The following DPP10 variants were observed in gnomAD, a reference collection of about 807,000 sequenced individuals.
DPP10 encodes the protein dipeptidyl peptidase like 10.
A neutral mutation model predicts 120.9 loss-of-function variants in DPP10; 33 were observed. The ratio of observed to expected loss-of-function variants is 0.27; its 90% CI spans 0.21 to 0.37. DPP10 has a LOEUF of 0.37. Among genes scored for constraint, DPP10 ranks in the 10% least tolerant of loss-of-function variants. The probability of loss-of-function intolerance (pLI) is 1.00; values close to 1 mark genes in which losing one functional copy is unlikely to be tolerated. For synonymous variants in DPP10, 337 were observed against 326.1 expected (o/e 1.03, Z -0.36); for missense variants, 816 against 942.8 (o/e 0.87, Z 1.76).
intron 1 of DPP10, among the ~76,000 whole-genome samples, chr2:114,764,071 C>T (rs1680505993): frequency 6.6e-6 from 1 of 152,158 alleles, no homozygotes; most frequent in South Asian, 2.1e-4. Flanking sequence ...CAAAAGCTTG[C>T]TCTCTTTATG....
intron 3 of DPP10, among the ~76,000 whole-genome samples, chr2:115,477,704 A>G (rs1223746785): frequency 2.6e-5 from 4 of 152,188 alleles, no homozygotes; most frequent in Non-Finnish European, 2.9e-5. Context: ...AATCCTCAAT[A>G]TAGAATAACA....
chr2:115,499,452 A>G (rs2076567866), intron 3 of DPP10, 58 bp from the exon 4 acceptor site: 3 of 1,393,784 alleles, frequency 2.2e-6, no homozygotes, highest in Non-Finnish European at 3.0e-6. Flanking sequence ...TCTCCCCTAC[A>G]GTTACTATAT....
In DPP10 at chr2:115,486,783, A is replaced by T. The variant is rs555020550; in HGVS notation, c.272-12727A>T. On this transcript the variant is annotated intron_variant, in intron 3 of 25. Coordinates refer to ENST00000410059, the MANE Select transcript of DPP10 (RefSeq NM_020868.6). ...TATGCTATCTTTTTGCAAATAATCCAAAGAATGAAATGGTCGTGTGAAAAT... is the reference window on the plus strand; with the variant it reads ...TATGCTATCTTTTTGCAAATAATCCTAAGAATGAAATGGTCGTGTGAAAAT... 2.0e-5 allele frequency among the ~76,000 whole-genome samples: 3 copies of T among 152,262 alleles called. No homozygotes were observed. The East Asian group carries it at 5.8e-4, about 29-fold the overall frequency.
chr2:115,471,504 G>GAGAGGTTCGC (rs1306895818), intron 3 of DPP10, among the ~76,000 whole-genome samples: 1 of 152,120 alleles, frequency 6.6e-6, no homozygotes. Context: ...ACCGGCTTCT[G>GAGAGGTTCGC]AGAGGTTCGC....
chr2:115,261,305 G>T (rs2059241287), intron 1 of DPP10, among the ~76,000 whole-genome samples: 1 of 152,122 alleles, frequency 6.6e-6, no homozygotes, highest in South Asian at 2.1e-4. Flanking sequence ...AGCCTAAAGG[G>T]CACTGAGCAA....
At chr2:115,214,670 C>T (rs1403668340) in intron 1 of DPP10, among the ~76,000 whole-genome samples, 3 of 152,090 alleles carry the variant, frequency 2.0e-5, no homozygotes, top group African/African-American at 7.2e-5. Context: ...TGACTTCTCC[C>T]TTTATTCAAT....
At chr2:114,670,536 G>T (rs892440699) in intron 1 of DPP10, among the ~76,000 whole-genome samples, 1 of 151,872 alleles carries the variant, frequency 6.6e-6, no homozygotes, top group East Asian at 1.9e-4. Flanking sequence ...GTTGTGGGGT[G>T]GGGGGAGTGG....
intron 3 of DPP10, among the ~76,000 whole-genome samples, chr2:115,436,446 T>C (rs1189753934): frequency 3.3e-5 from 5 of 151,864 alleles, no homozygotes; most frequent in African/African-American, 1.2e-4. Context: ...AGAAGTGTTA[T>C]ACTGAAATAC....
chr2:115,498,931 A>T (rs1010219802), intron 3 of DPP10, among the ~76,000 whole-genome samples: 4 of 152,026 alleles, frequency 2.6e-5, no homozygotes, highest in Non-Finnish European at 5.9e-5. Flanking sequence ...TCATTCATTG[A>T]TATAGTAGTA....
intron 7 of DPP10, among the ~76,000 whole-genome samples, chr2:115,699,018 G>A (rs866545119): frequency 5.9e-5 from 3 of 50,816 alleles, no homozygotes; most frequent in Admixed American, 3.9e-4. Flanking sequence ...TAGTTAGCTT[G>A]ACTGAAAAAA....
At chr2:114,957,227 A>C (rs1031479137) in intron 1 of DPP10, among the ~76,000 whole-genome samples, 1 of 152,048 alleles carries the variant, frequency 6.6e-6, no homozygotes, top group Admixed American at 6.6e-5. Flanking sequence ...AAACAACTCA[A>C]TAACAAGAAA....
At chr2:115,645,677 C>T (rs1384911643) in intron 5 of DPP10, among the ~76,000 whole-genome samples, 2 of 152,058 alleles carry the variant, frequency 1.3e-5, no homozygotes, top group Non-Finnish European at 2.9e-5. Flanking sequence ...ACGTTTAAGT[C>T]AAAATATAGA....
intron 1 of DPP10, among the ~76,000 whole-genome samples, chr2:115,202,733 G>A (rs939138867): frequency 3.3e-5 from 5 of 152,146 alleles, no homozygotes; most frequent in Admixed American, 2.0e-4. Flanking sequence ...TGGACATGTG[G>A]CTAATGAGCA....
intron 3 of DPP10, among the ~76,000 whole-genome samples, chr2:115,469,448 T>G (rs557973788): frequency 6.6e-6 from 1 of 152,332 alleles, no homozygotes; most frequent in African/African-American, 2.4e-5. Context: ...ATAATCAGTT[T>G]TAAAGTTCTG....
In DPP10 at chr2:114,720,596, A is replaced by C. The variant is rs74696730; in HGVS notation, c.60+277758A>C. Among the ~76,000 whole-genome samples the C allele has an allele frequency of 8.5e-3, 1,292 of 152,344 alleles. 20 individuals are homozygous for C. Among genetic ancestry groups the C allele is most frequent in the African/African-American group, 0.03 (1,233 of 41,576 alleles). On this transcript the variant is annotated intron_variant, in intron 1 of 25. Coordinates refer to ENST00000410059, the MANE Select transcript of DPP10 (RefSeq NM_020868.6). ...TTGTCTTCTACAATTTCCACCACACATTTAAAAAAATGCTCAGAGAACATG... is the reference window on the plus strand; with the variant it reads ...TTGTCTTCTACAATTTCCACCACACCTTTAAAAAAATGCTCAGAGAACATG...
intron 1 of DPP10, among the ~76,000 whole-genome samples, chr2:114,905,626 C>T (rs940609767): frequency 7.2e-5 from 11 of 152,174 alleles, no homozygotes; most frequent in African/African-American, 2.7e-4. Context: ...CCTCTCCCTT[C>T]TCCCACCCTG....
intron 1 of DPP10, among the ~76,000 whole-genome samples, chr2:114,536,495 T>C (rs947935517): frequency 1.8e-4 from 27 of 150,476 alleles, no homozygotes; most frequent in African/African-American, 6.6e-4. Flanking sequence ...AACCTCTGTC[T>C]CCCGGGTTCA....
intron 1 of DPP10, among the ~76,000 whole-genome samples, chr2:115,033,083 G>T (rs1703959336): frequency 6.6e-6 from 1 of 152,094 alleles, no homozygotes; most frequent in African/African-American, 2.4e-5. Flanking sequence ...GCAGTCAGGT[G>T]ATCTGTTCTT....
At chr2:114,629,249 A>G (rs1335763599) in intron 1 of DPP10, among the ~76,000 whole-genome samples, 2 of 152,182 alleles carry the variant, frequency 1.3e-5, no homozygotes, top group Non-Finnish European at 2.9e-5. Context: ...AGTCAGATCA[A>G]TTGTCAGCCT....
Sources: gnomAD v4.1 joint callset for allele counts (sites outside exome capture counted in the v4.1 genomes callset) on GRCh38, gnomAD v4.1.1 for gene constraint, MANE v1.5 for transcripts, NCBI Gene and HGNC (gene_info 2026-07-23, HGNC 2026-07-21) for gene names.